PRKG2: variants seen among roughly 807,000 people sequenced by gnomAD.
PRKG2 encodes cGMP-dependent protein kinase 2.
PRKG2 carries 33 observed loss-of-function variants against 97.2 expected under a neutral mutation model. The observed-to-expected ratio is 0.34, with a 90% CI of 0.26 to 0.45. PRKG2 has a LOEUF of 0.45. PRKG2 is among the 20% of genes least tolerant of loss of function. The probability of loss-of-function intolerance (pLI) is 1.00; values close to 1 mark genes in which losing one functional copy is unlikely to be tolerated. For missense variants in PRKG2, 638 were observed against 900.0 expected (o/e 0.71, Z 3.73); for synonymous variants, 330 against 321.8 (o/e 1.03, Z -0.27).
At chr4:81,171,178 A>G (rs77209427) in intron 4 of PRKG2, among the ~76,000 whole-genome samples, 16,478 of 120,122 alleles carry the variant, frequency 0.14, 1,112 homozygotes, top group Middle Eastern at 0.23. Flanking sequence ...ACCCCTCCCC[A>G]TTGGGCTCCA....
At chr4:81,182,241 A>C in intron 2 of PRKG2, among the ~76,000 whole-genome samples, 1 of 134,340 alleles carries the variant, frequency 7.4e-6, no homozygotes, top group Non-Finnish European at 1.5e-5. Context: ...ATTCTAGATT[A>C]GATTGAACAT....
chr4:81,103,955 C>T (rs1022640366), intron 17 of PRKG2, among the ~76,000 whole-genome samples: 3 of 152,074 alleles, frequency 2.0e-5, no homozygotes, highest in Non-Finnish European at 2.9e-5. Flanking sequence ...CATTTGAACC[C>T]AGGAGGTGGA....
chr4:81,149,348 T>C (rs1748163625), intron 8 of PRKG2, among the ~76,000 whole-genome samples: 1 of 152,176 alleles, frequency 6.6e-6, no homozygotes, highest in Non-Finnish European at 1.5e-5. Flanking sequence ...AACAGTCAAG[T>C]AATTAGCATA....
chr4:81,160,599 G>C (rs1405051541), intron 6 of PRKG2, among the ~76,000 whole-genome samples: 1 of 152,010 alleles, frequency 6.6e-6, no homozygotes, highest in Non-Finnish European at 1.5e-5. Context: ...GCAACCTCTT[G>C]GAAGATTCTA....
chr4:81,100,173 A>G (rs1352682335), intron 17 of PRKG2, among the ~76,000 whole-genome samples: 3 of 151,974 alleles, frequency 2.0e-5, no homozygotes, highest in African/African-American at 7.3e-5. Flanking sequence ...CATCTCCATC[A>G]AGCTACCAAT....
intron 13 of PRKG2, among the ~76,000 whole-genome samples, chr4:81,136,772 C>A (rs1182729371): frequency 2.0e-5 from 3 of 152,152 alleles, no homozygotes; most frequent in Non-Finnish European, 2.9e-5. Context: ...AGTTTTCTCA[C>A]TAAACAATGA....
At chr4:81,189,501 T>C (rs1415747877) in intron 2 of PRKG2, among the ~76,000 whole-genome samples, 1 of 145,942 alleles carries the variant, frequency 6.9e-6, no homozygotes, top group Non-Finnish European at 1.5e-5. Flanking sequence ...CTCAGTAAAC[T>C]ATCGCAAGAA....
intron 17 of PRKG2, among the ~76,000 whole-genome samples, chr4:81,100,466 C>T (rs563004888): frequency 4.7e-4 from 71 of 152,102 alleles, no homozygotes; most frequent in African/African-American, 1.3e-3. Context: ...AATGGGGAAA[C>T]GATTCTCTAT....
intron 7 of PRKG2, 77 bp downstream of exon 7, chr4:81,153,567 T>C (rs55649795): frequency 2.5e-6 from 3 of 1,180,260 alleles, no homozygotes; most frequent in Non-Finnish European, 3.7e-6. Flanking sequence ...TATGTTGCAA[T>C]GCAAAGCATA....
intron 14 of PRKG2, among the ~76,000 whole-genome samples, chr4:81,131,695 T>C (rs1279722122): frequency 6.6e-6 from 1 of 152,152 alleles, no homozygotes; most frequent in Admixed American, 6.5e-5. Context: ...TTAGGTTAAT[T>C]TTTTTCCACA....
At chr4:81,214,246 G>A (rs774463171) in intron 1 of PRKG2, among the ~76,000 whole-genome samples, 2 of 151,458 alleles carry the variant, frequency 1.3e-5, no homozygotes, top group Non-Finnish European at 2.9e-5. Flanking sequence ...CAAGGCATTT[G>A]TCCCAGCGTC....
At chr4:81,104,250 A>G in intron 17 of PRKG2, 120 bp downstream of exon 17, 1 of 530,658 alleles carries the variant, frequency 1.9e-6, no homozygotes, top group Non-Finnish European at 3.1e-6. Context: ...GCAAAGCACT[A>G]TAAAGAAAAA....
intron 2 of PRKG2, chr4:81,192,931 C>T (rs898230486): frequency 6.6e-6 from 1 of 152,210 alleles, no homozygotes; most frequent in Admixed American, 6.5e-5. Context: ...TAAGTTGCTT[C>T]AGGAAGTTTA....
At chr4:81,164,989 T>G (rs1351784426) in intron 6 of PRKG2, 1 of 152,194 alleles carries the variant, frequency 6.6e-6, no homozygotes, top group Admixed American at 6.5e-5. Flanking sequence ...CCATACTGCA[T>G]AACTGCCAGG....
At chr4:81,103,332 G>A (rs879716645) in intron 17 of PRKG2, among the ~76,000 whole-genome samples, 27 of 148,742 alleles carry the variant, frequency 1.8e-4, no homozygotes, top group Non-Finnish European at 2.4e-4. Flanking sequence ...ACAACAGGCC[G>A]TCTTATGAAG....
intron 2 of PRKG2, among the ~76,000 whole-genome samples, chr4:81,185,757 C>CA (rs36018511): frequency 6.6e-6 from 1 of 151,160 alleles, no homozygotes; most frequent in Non-Finnish European, 1.5e-5. Flanking sequence ...AACACAGGCT[C>CA]AAAAAAAGGG....
chr4:81,141,016 T>C (rs886857600), intron 11 of PRKG2, among the ~76,000 whole-genome samples: 5 of 151,916 alleles, frequency 3.3e-5, no homozygotes, highest in Non-Finnish European at 7.4e-5. Flanking sequence ...GATTTATTAT[T>C]ATTATTATTA....
At chr4:81,167,137 AT>A (rs753655703) in intron 6 of PRKG2, 23 bp downstream of exon 6, 2 of 1,471,506 alleles carry the variant, frequency 1.4e-6, no homozygotes, top group Non-Finnish European at 1.9e-6. Context: ...AATGAAATTT[AT>A]TTTTTACTTC....
At chr4:81,118,499 G>GT (rs1744770711) in intron 14 of PRKG2, among the ~76,000 whole-genome samples, 1 of 152,130 alleles carries the variant, frequency 6.6e-6, no homozygotes, top group South Asian at 2.1e-4. Context: ...ACTCTAATAG[G>GT]TGTGTAGTGG....
Sources: allele counts gnomAD v4.1 joint callset (sites outside exome capture counted in the v4.1 genomes callset), GRCh38; gene constraint gnomAD v4.1.1; transcripts MANE v1.5; gene names NCBI Gene and HGNC (gene_info 2026-07-23, HGNC 2026-07-21).